TMC1: variants seen among roughly 807,000 people sequenced by gnomAD.
The protein encoded by TMC1 is transmembrane channel-like protein 1.
A neutral mutation model predicts 105.8 loss-of-function variants in TMC1; 84 were observed. The ratio of observed to expected loss-of-function variants is 0.79; its 90% CI spans 0.67 to 0.95. TMC1 has a LOEUF of 0.95. Among genes scored for constraint, TMC1 ranks in the 40% least tolerant of loss-of-function variants. The probability of loss-of-function intolerance (pLI) is 0.00; values close to 1 mark genes in which losing one functional copy is unlikely to be tolerated. For missense variants in TMC1, 817 were observed against 914.1 expected, an observed-to-expected ratio of 0.89 and a Z score of 1.37; for synonymous variants, 315 against 311.5, an observed-to-expected ratio of 1.01 and a Z score of -0.12.
At chr9:72,743,809 A>T (rs1827440460) in intron 10 of TMC1, among the ~76,000 whole-genome samples, 2 of 152,208 alleles carry the variant, frequency 1.3e-5, no homozygotes, top group Admixed American at 1.3e-4. Flanking sequence ...TAAACATTTT[A>T]AAATATTGTA....
chr9:72,575,205 G>A (rs987814757), intron 1 of TMC1, among the ~76,000 whole-genome samples: 4 of 152,060 alleles, frequency 2.6e-5, no homozygotes, highest in Admixed American at 6.6e-5. Context: ...GTTTTTTGAT[G>A]GAGTCTTGCT....
rs1022485001 is a variant in TMC1 at position 72,816,074 on chromosome 9, G to T, written c.1696-69G>T. 4 of 1,405,672 alleles carry T rather than the reference G, an allele frequency of 2.8e-6. No homozygotes were observed. In the African/African-American group the frequency reaches 5.7e-5, roughly 20 times the overall value. The allele number at this position is 1,405,672 out of a possible 1,614,324, so 87.1% of individuals were successfully genotyped here. A position where few individuals can be genotyped will look rare whatever the true frequency, so the allele number is the denominator to read the frequency against. On this transcript the variant is annotated intron_variant, in intron 18 of 23. Transcript: ENST00000297784. ...TAATTGAAACCCTAGCCATGCCTAT[G>T]CAGAACAATTTGCCTTTCAGTTTTG... is the stretch of plus-strand genomic sequence containing the variant.
intron 5 of TMC1, chr9:72,655,766 T>G: frequency 1.8e-6 from 1 of 542,982 alleles, no homozygotes; most frequent in Non-Finnish European, 3.3e-6. Context: ...ATTCAAAAGA[T>G]TACTGATGCT....
intron 1 of TMC1, among the ~76,000 whole-genome samples, chr9:72,575,273 C>T (rs1036862372): frequency 1.2e-4 from 18 of 151,958 alleles, no homozygotes; most frequent in African/African-American, 3.9e-4. Flanking sequence ...CTCTGCCTCC[C>T]GGGTTCAAGT....
chr9:72,660,588 T>A (rs1010991536), intron 5 of TMC1, among the ~76,000 whole-genome samples: 2 of 152,226 alleles, frequency 1.3e-5, no homozygotes, highest in African/African-American at 4.8e-5. Context: ...TGCATATAGA[T>A]ACATCTTGGC....
intron 5 of TMC1, among the ~76,000 whole-genome samples, chr9:72,666,779 T>G (rs1030196961): frequency 2.0e-5 from 3 of 151,972 alleles, no homozygotes; most frequent in African/African-American, 7.3e-5. Context: ...CCAGGCGTGG[T>G]GGCCTCATGC....
intron 17 of TMC1, among the ~76,000 whole-genome samples, chr9:72,804,266 T>C (rs1828530400): frequency 6.6e-6 from 1 of 151,868 alleles, no homozygotes; most frequent in Admixed American, 6.6e-5. Flanking sequence ...TCAGGAAAAA[T>C]AGCTAATGAT....
chr9:72,612,502 A>G (rs1437951887), intron 2 of TMC1, among the ~76,000 whole-genome samples: 1 of 151,580 alleles, frequency 6.6e-6, no homozygotes, highest in African/African-American at 2.4e-5. Flanking sequence ...GTAAAAAGCC[A>G]GGCAGTAAAT....
In TMC1 at chr9:72,788,665, C is replaced by T. The variant is rs369074964; in HGVS notation, c.1029+182C>T. ...CTGGAAAATCTTCCATGACCCACAA[C>T]AGCACTATTATTCCTTAAACACTTC... On this transcript the variant is annotated intron_variant, in intron 14 of 23. Transcript: ENST00000297784. 1.1e-4 allele frequency among the ~76,000 whole-genome samples: 16 copies of T among 152,276 alleles called. No homozygotes were observed. In the East Asian group the frequency reaches 1.5e-3, roughly 15 times the overall value.
intron 6 of TMC1, among the ~76,000 whole-genome samples, chr9:72,689,072 C>T (rs896515804): frequency 6.6e-6 from 1 of 151,898 alleles, no homozygotes; most frequent in Admixed American, 6.6e-5. Flanking sequence ...GATGAAGACC[C>T]AAAGATAGAG....
chr9:72,589,256 GAAAC>G (rs1311095443), intron 2 of TMC1, among the ~76,000 whole-genome samples: 1 of 152,128 alleles, frequency 6.6e-6, no homozygotes, highest in Admixed American at 6.5e-5. Context: ...TCAGTGTGGG[GAAAC>G]AAACAAACAA....
rs564063513 is a variant in TMC1, at chr9:72,552,237, C to A, written c.-427-25665C>A. Among the ~76,000 whole-genome samples the A allele has an allele frequency of 2.6e-5, 4 of 152,184 alleles. No homozygotes were observed. The East Asian group carries it at 7.7e-4, about 29-fold the overall frequency. ...TGGCCTATTTACTTGGGAGCTCTTC[C>A]ACAGAACAAATGAACTCCTGAAGAT... On this transcript the variant is annotated intron_variant, in intron 1 of 23. Transcript: ENST00000297784.
At chr9:72,617,667 G>T (rs1825157761) in intron 3 of TMC1, among the ~76,000 whole-genome samples, 1 of 151,982 alleles carries the variant, frequency 6.6e-6, no homozygotes, top group African/African-American at 2.4e-5. Context: ...GAAAATAATT[G>T]TATTCAAGGT....
intron 1 of TMC1, among the ~76,000 whole-genome samples, chr9:72,532,576 A>C (rs951083319): frequency 3.4e-5 from 5 of 147,896 alleles, no homozygotes; most frequent in Non-Finnish European, 6.0e-5. Flanking sequence ...AAAAAAAAAA[A>C]AAAAAAAAAA....
At chr9:72,621,426 A>G (rs1825247388) in intron 3 of TMC1, among the ~76,000 whole-genome samples, 1 of 152,110 alleles carries the variant, frequency 6.6e-6, no homozygotes, top group African/African-American at 2.4e-5. Context: ...CATCGTGAAT[A>G]TTTTCCAAGT....
At chr9:72,562,068 A>G (rs1003621106) in intron 1 of TMC1, among the ~76,000 whole-genome samples, 1 of 152,194 alleles carries the variant, frequency 6.6e-6, no homozygotes, top group African/African-American at 2.4e-5. Context: ...CAGTAATTAC[A>G]ACATGATCTT....
intron 1 of TMC1, among the ~76,000 whole-genome samples, chr9:72,532,016 C>T (rs1463166691): frequency 6.6e-6 from 1 of 152,026 alleles, no homozygotes; most frequent in East Asian, 2.0e-4. Context: ...ACTGCAACCT[C>T]CATCTCCTAG....
intron 2 of TMC1, among the ~76,000 whole-genome samples, chr9:72,599,099 C>G (rs1338005750): frequency 6.6e-6 from 1 of 152,132 alleles, no homozygotes; most frequent in Non-Finnish European, 1.5e-5. Context: ...GGTGCAATCT[C>G]AGCTCACTGC....
intron 2 of TMC1, 102 bp from the exon 3 acceptor site, chr9:72,616,266 T>G (rs548362344): frequency 8.3e-4 from 126 of 152,276 alleles, no homozygotes; most frequent in African/African-American, 2.9e-3. Context: ...ACAGGTAAAA[T>G]TCACAAAGTT....
Sources: allele counts gnomAD v4.1 joint callset (sites outside exome capture counted in the v4.1 genomes callset), GRCh38; gene constraint gnomAD v4.1.1; transcripts MANE v1.5; gene names NCBI Gene and HGNC (gene_info 2026-07-23, HGNC 2026-07-21).